GUCY1A2: variants seen among roughly 807,000 people sequenced by gnomAD.
GUCY1A2 encodes guanylate cyclase 1 soluble subunit alpha 2.
GUCY1A2 carries 27 observed loss-of-function variants against 63.5 expected under a neutral mutation model. The observed-to-expected ratio is 0.43, with a 90% CI of 0.31 to 0.59. The LOEUF is 0.59. Ranked by LOEUF, GUCY1A2 falls within the 20% of genes least tolerant of loss-of-function variation. GUCY1A2 has a pLI of 0.11. For synonymous variants in GUCY1A2, 364 were observed against 343.5 expected, an observed-to-expected ratio of 1.06 and a Z score of -0.66; for missense variants, 768 against 913.3, an observed-to-expected ratio of 0.84 and a Z score of 2.05.
intron 5 of GUCY1A2, among the ~76,000 whole-genome samples, chr11:106,781,821 G>A: frequency 6.6e-6 from 1 of 151,852 alleles, no homozygotes; most frequent in South Asian, 2.1e-4. Context: ...GTGCACCTCA[G>A]CCTCCCAAAG....
At chr11:106,852,476 T>C (rs1191368878) in intron 4 of GUCY1A2, among the ~76,000 whole-genome samples, 1 of 152,104 alleles carries the variant, frequency 6.6e-6, no homozygotes, top group Non-Finnish European at 1.5e-5. Context: ...ATTATATTGA[T>C]GTATGCTCTT....
intron 6 of GUCY1A2, chr11:106,746,471 A>G: frequency 1.4e-6 from 1 of 706,764 alleles, no homozygotes. Context: ...AATAAGGATT[A>G]TACTCAAGGA....
At chr11:106,746,473 A>T (rs1371944738) in intron 6 of GUCY1A2, 2 of 718,716 alleles carry the variant, frequency 2.8e-6, no homozygotes, top group Non-Finnish European at 4.8e-6. Flanking sequence ...TAAGGATTAT[A>T]CTCAAGGAAG....
At chr11:107,002,674 A>T (rs1861625819) in intron 1 of GUCY1A2, among the ~76,000 whole-genome samples, 1 of 152,190 alleles carries the variant, frequency 6.6e-6, no homozygotes, top group Admixed American at 6.5e-5. Flanking sequence ...CTTGAGTAAA[A>T]TTACTGAAGG....
intron 4 of GUCY1A2, among the ~76,000 whole-genome samples, chr11:106,890,372 A>G (rs1179758767): frequency 1.3e-5 from 2 of 152,190 alleles, no homozygotes; most frequent in African/African-American, 2.4e-5. Context: ...AGAGGAAAAC[A>G]GTAGCACAAC....
At chr11:106,859,300 G>GAA (rs147347955) in intron 4 of GUCY1A2, among the ~76,000 whole-genome samples, 1 of 151,572 alleles carries the variant, frequency 6.6e-6, no homozygotes, top group Non-Finnish European at 1.5e-5. Context: ...GAACTTCCCT[G>GAA]AAAAAACAGT....
At chr11:106,771,956 C>T (rs900581603) in intron 6 of GUCY1A2, among the ~76,000 whole-genome samples, 5 of 151,940 alleles carry the variant, frequency 3.3e-5, no homozygotes, top group Admixed American at 6.6e-5. Context: ...ATAGATAGAC[C>T]ATATTTATGA....
intron 4 of GUCY1A2, among the ~76,000 whole-genome samples, chr11:106,901,761 T>A (rs1860137123): frequency 6.6e-6 from 1 of 151,958 alleles, no homozygotes; most frequent in East Asian, 1.9e-4. Context: ...CTTGGGATAG[T>A]TTGCTGTGAA....
intron 4 of GUCY1A2, among the ~76,000 whole-genome samples, chr11:106,820,023 A>G (rs1223378483): frequency 6.6e-6 from 1 of 152,182 alleles, no homozygotes. Context: ...AAGAACACAA[A>G]CTTTCAGTTA....
At chr11:106,877,916 A>G (rs1349698376) in intron 4 of GUCY1A2, among the ~76,000 whole-genome samples, 1 of 152,156 alleles carries the variant, frequency 6.6e-6, no homozygotes, top group Non-Finnish European at 1.5e-5. Flanking sequence ...TAACAAACTT[A>G]AACAAACTTA....
chr11:106,801,662 A>T (rs1348196599), intron 5 of GUCY1A2, among the ~76,000 whole-genome samples: 1 of 152,170 alleles, frequency 6.6e-6, no homozygotes, highest in Non-Finnish European at 1.5e-5. Context: ...ATTATTTGAT[A>T]GCACAACAGA....
At chr11:106,760,095 T>A (rs892590316) in intron 6 of GUCY1A2, among the ~76,000 whole-genome samples, 1 of 152,146 alleles carries the variant, frequency 6.6e-6, no homozygotes, top group African/African-American at 2.4e-5. Context: ...ATAAAACATG[T>A]CTTCAAATAA....
At chr11:106,819,925 A>C (rs7942606) in intron 4 of GUCY1A2, among the ~76,000 whole-genome samples, 83,063 of 151,962 alleles carry the variant, frequency 0.55, 22,946 homozygotes, top group Middle Eastern at 0.61. Flanking sequence ...CCTATATTTG[A>C]AGTATAAAAT....
At chr11:107,011,568 C>A (rs1861745544) in intron 1 of GUCY1A2, among the ~76,000 whole-genome samples, 2 of 143,808 alleles carry the variant, frequency 1.4e-5, no homozygotes, top group African/African-American at 5.1e-5. Flanking sequence ...ATAATATATA[C>A]ACATATATAT....
chr11:106,813,678 G>T (rs1858793955), intron 4 of GUCY1A2, among the ~76,000 whole-genome samples: 1 of 151,972 alleles, frequency 6.6e-6, no homozygotes, highest in Non-Finnish European at 1.5e-5. Flanking sequence ...GTCTGAATTT[G>T]AATTTCAACT....
intron 4 of GUCY1A2, among the ~76,000 whole-genome samples, chr11:106,888,475 G>GAA (rs147826868): frequency 2.7e-5 from 4 of 150,104 alleles, no homozygotes; most frequent in Non-Finnish European, 4.4e-5. Context: ...AAAAAAGAAA[G>GAA]AAAAAAAAAT....
intron 3 of GUCY1A2, among the ~76,000 whole-genome samples, chr11:106,964,505 GC>G (rs1861101535): frequency 1.3e-5 from 2 of 152,180 alleles, no homozygotes; most frequent in African/African-American, 4.8e-5. Context: ...CATGAAGTGT[GC>G]ATTAATAGAA....
chr11:106,978,599 A>T lies in GUCY1A2; in HGVS notation c.487+20T>A. ...TCTTTCATTCTCTCTCATCCATATA[A>T]ATATATATAGTTAATATACCGAGTA... On this transcript the variant is annotated intron_variant, in intron 3 of 7. Coordinates refer to ENST00000526355, the MANE Select transcript of GUCY1A2 (RefSeq NM_000855.3). The T allele has an allele frequency of 7.1e-7, 1 of 1,401,388 alleles. No individual in the cohort carries two copies. The highest frequency in any genetic ancestry group is 9.9e-7 in the Non-Finnish European group (1 of 1,008,618). The allele number at this position is 1,401,388 out of a possible 1,614,324, so 86.8% of individuals were successfully genotyped here. A position where few individuals can be genotyped will look rare whatever the true frequency, so the allele number is the denominator to read the frequency against.
At chr11:106,743,803 A>G (rs1015150728) in intron 6 of GUCY1A2, among the ~76,000 whole-genome samples, 2 of 152,228 alleles carry the variant, frequency 1.3e-5, no homozygotes, top group Non-Finnish European at 2.9e-5. Context: ...TTGGACAACC[A>G]AAGTCCTAGG....
Sources: gnomAD v4.1 joint callset for allele counts (sites outside exome capture counted in the v4.1 genomes callset) on GRCh38, gnomAD v4.1.1 for gene constraint, MANE v1.5 for transcripts, NCBI Gene and HGNC (gene_info 2026-07-23, HGNC 2026-07-21) for gene names.